The following KIAA1549L variants were observed in gnomAD, a reference collection of about 807,000 sequenced individuals.
KIAA1549L encodes the protein UPF0606 protein KIAA1549L.
Under a neutral mutation model 160.7 loss-of-function variants are expected in KIAA1549L, and 88 were observed. The observed-to-expected ratio is 0.55, with a 90% confidence interval of 0.46 to 0.65. The LOEUF (loss-of-function observed/expected upper bound fraction) is 0.65, where lower values mean the gene tolerates loss of function less well. Among genes scored for constraint, KIAA1549L ranks in the 30% least tolerant of loss-of-function variants. The pLI is 0.00. For missense variants in KIAA1549L, 2,258 were observed against 2,437.5 expected, an observed-to-expected ratio of 0.93 and a Z score of 1.55; for synonymous variants, 950 against 976.7, an observed-to-expected ratio of 0.97 and a Z score of 0.51.
rs1365800156 is a variant in KIAA1549L at position 33,551,349 on chromosome 11, C to G, written c.3721+90C>G. 4.5e-6 allele frequency: 5 copies of G among 1,100,958 alleles called. No homozygotes were observed. The African/African-American group carries it at 7.8e-5, about 17-fold the overall frequency. 68.2% of individuals were successfully genotyped at this position (1,100,958 alleles called of 1,614,324 possible). ...ACCTGTTTAAAAGCTCCATTGCTAGCTGCTGTGTCATTTTTTAGTCCCTGT... is the reference window on the plus strand; with the variant it reads ...ACCTGTTTAAAAGCTCCATTGCTAGGTGCTGTGTCATTTTTTAGTCCCTGT... On this transcript the variant is annotated intron_variant, in intron 5 of 20. Transcript: ENST00000658780.
intron 16 of KIAA1549L, among the ~76,000 whole-genome samples, chr11:33,634,233 G>A (rs1326483980): frequency 6.6e-6 from 1 of 152,130 alleles, no homozygotes; most frequent in Admixed American, 6.5e-5. Flanking sequence ...AAGAGAGGCA[G>A]GGTTTCACCA....
intron 1 of KIAA1549L, among the ~76,000 whole-genome samples, chr11:33,411,065 A>G (rs529503823): frequency 6.6e-6 from 1 of 152,282 alleles, no homozygotes; most frequent in East Asian, 1.9e-4. Context: ...AGGGCTTCCC[A>G]GTGGAGTGAG....
chr11:33,470,588 G>A lies in KIAA1549L; in HGVS notation c.239-71214G>A, dbSNP rs79256691. Among the ~76,000 whole-genome samples the A allele has an allele frequency of 8.8e-3, 1,330 of 151,960 alleles. 11 individuals are homozygous for A. Among genetic ancestry groups the A allele is most frequent in the African/African-American group, 0.03 (1,241 of 41,446 alleles). ...GGACTACAGGCACATGCCACCTCAC[G>A]CAGCTAATATTTTTGTGTGTGTTTG... On this transcript the variant is annotated intron_variant, in intron 1 of 20. Transcript: ENST00000658780.
At chr11:33,455,859 C>T (rs1240464630) in intron 1 of KIAA1549L, among the ~76,000 whole-genome samples, 3 of 152,134 alleles carry the variant, frequency 2.0e-5, no homozygotes, top group African/African-American at 7.2e-5. Context: ...AAAATTTCAA[C>T]CAGGTTTTCC....
At position 33,588,307 on chromosome 11, in the gene KIAA1549L, G is replaced by A. The variant is rs569103548; in HGVS notation, c.4567-2930G>A. The stretch of plus-strand genomic sequence containing the variant: ...AAACTGAATAGGATAATGGGGGCGT[G>A]AGGGTGTGGTACAAAAGGGGTCAAC... On this transcript the variant is annotated intron_variant, in intron 11 of 20. Coordinates refer to ENST00000658780, the MANE Select transcript of KIAA1549L (RefSeq NM_012194.3). Among the ~76,000 whole-genome samples, 3 of 152,296 alleles carry A rather than the reference G, an allele frequency of 2.0e-5. No homozygotes were observed. In the East Asian group the frequency reaches 5.8e-4, roughly 29 times the overall value.
chr11:33,446,532 C>T (rs1046784305), intron 1 of KIAA1549L, among the ~76,000 whole-genome samples: 12 of 152,236 alleles, frequency 7.9e-5, no homozygotes, highest in African/African-American at 2.6e-4. Context: ...CATTTCTTAC[C>T]TCTCACAGTT....
At position 33,656,072 on chromosome 11, in the gene KIAA1549L, C is replaced by A; in HGVS notation, c.5821C>A (p.Pro1941Thr). ...GGGCTCACCGCCTCCACCCGTACCT[C>A]CCCGGACTGGTCCTGTGGCTGTCGC... The part of the protein sequence containing the change: ...VMGSPPPPVP[P>T]RTGPVAVASL... The change falls in exon 18 of 21, where the codon CCC (proline) becomes ACC (threonine). Residue 1941 changes from proline to threonine, a missense_variant. Around this residue, in one of 6 missense-constraint regions of KIAA1549L, gnomAD observed 1,359 missense variants for 1,546.6 expected, o/e 0.88. Transcript: ENST00000658780. The A allele has an allele frequency of 6.2e-7, 1 of 1,613,852 alleles. No homozygotes were observed. Among genetic ancestry groups the A allele is most frequent in the Non-Finnish European group, 8.5e-7 (1 of 1,179,762 alleles).
chr11:33,610,903 G>C (rs924014557), intron 15 of KIAA1549L, among the ~76,000 whole-genome samples: 14 of 152,224 alleles, frequency 9.2e-5, no homozygotes, highest in African/African-American at 2.7e-4. Context: ...CATGGCAGAA[G>C]GCAGAGGGCA....
chr11:33,646,684 T>C (rs951715166), intron 17 of KIAA1549L, among the ~76,000 whole-genome samples: 1 of 152,238 alleles, frequency 6.6e-6, no homozygotes, highest in Non-Finnish European at 1.5e-5. Context: ...AAAATACTTG[T>C]GCGAGGACAT....
chr11:33,583,347 A>G lies in KIAA1549L; in HGVS notation c.4412A>G (p.Lys1471Arg). ...VVLLQADPVVKNPPNNLWIIA... is the reference protein window; with the variant it reads ...VVLLQADPVVRNPPNNLWIIA... ...TGGCTCTTTCCCACAGCCGTGGTGA[A>G]GAACCCGCCCAATAACCTGTGGATC... is the stretch of plus-strand genomic sequence containing the variant. The change falls in exon 11 of 21, where the codon AAG becomes AGG. Residue 1471 changes from lysine (K) to arginine (R), a missense_variant. Physicochemically the swap from Lys to Arg is conservative, Grantham distance 26. Transcript: ENST00000658780. 1 of 1,604,872 alleles carries G rather than the reference A, an allele frequency of 6.2e-7. No individual in the cohort carries two copies. The highest frequency in any genetic ancestry group is 8.5e-7 in the Non-Finnish European group (1 of 1,175,840).
chr11:33,610,024 G>T (rs1416823805), intron 15 of KIAA1549L, 58 bp downstream of exon 15: 24 of 1,337,834 alleles, frequency 1.8e-5, no homozygotes, highest in Non-Finnish European at 2.6e-5. Flanking sequence ...ATAAGGGCAG[G>T]CCTTGGGCAG....
intron 1 of KIAA1549L, among the ~76,000 whole-genome samples, chr11:33,523,478 A>T (rs978912489): frequency 1.3e-5 from 2 of 152,210 alleles, no homozygotes; most frequent in Non-Finnish European, 2.9e-5. Context: ...ATTTTAGAGA[A>T]TGTCAGGTTA....
intron 1 of KIAA1549L, among the ~76,000 whole-genome samples, chr11:33,499,484 T>TTA (rs1196173542): frequency 6.6e-6 from 1 of 152,218 alleles, no homozygotes; most frequent in Non-Finnish European, 1.5e-5. Context: ...CCCAGTCCTA[T>TTA]GGTTTAGCAC....
intron 12 of KIAA1549L, among the ~76,000 whole-genome samples, chr11:33,592,180 G>A (rs1348649830): frequency 6.6e-6 from 1 of 152,214 alleles, no homozygotes; most frequent in Non-Finnish European, 1.5e-5. Context: ...GTGGCTGGAT[G>A]TAGTGAAGAA....
intron 5 of KIAA1549L, 103 bp from the exon 6 acceptor site, chr11:33,552,005 C>G (rs1854478539): frequency 7.7e-7 from 1 of 1,292,870 alleles, no homozygotes; most frequent in Non-Finnish European, 1.1e-6. Flanking sequence ...TTGCCTAATT[C>G]CTCTCATCTA....
At chr11:33,487,333 C>T (rs1216687753) in intron 1 of KIAA1549L, among the ~76,000 whole-genome samples, 2 of 151,002 alleles carry the variant, frequency 1.3e-5, no homozygotes, top group Non-Finnish European at 2.9e-5. Context: ...ACCAAGAAGT[C>T]TAGCCCACTA....
At chr11:33,631,112 C>T (rs1851275216) in intron 16 of KIAA1549L, among the ~76,000 whole-genome samples, 1 of 152,230 alleles carries the variant, frequency 6.6e-6, no homozygotes, top group Non-Finnish European at 1.5e-5. Context: ...TTACTCACCA[C>T]TGCTGAAGCT....
rs909394563 is a variant in KIAA1549L, at chr11:33,655,937, C to T, written c.5761-75C>T. The T allele has an allele frequency of 2.0e-5, 21 of 1,036,474 alleles. 1 individual carries two copies. The highest frequency in any genetic ancestry group is 1.6e-5 in the African/African-American group (1 of 63,538). The allele number at this position is 1,036,474 out of a possible 1,614,324, so 64.2% of individuals were successfully genotyped here. A position where few individuals can be genotyped will look rare whatever the true frequency, so the allele number is the denominator to read the frequency against. ...GACCCTTGGAAGTTTGCTTCCTCCTCAAACAAGAGGAACCTGTGTGCTGAT... is the reference window on the plus strand; with the variant it reads ...GACCCTTGGAAGTTTGCTTCCTCCTTAAACAAGAGGAACCTGTGTGCTGAT... On this transcript the variant is annotated intron_variant, in intron 17 of 20. Coordinates refer to ENST00000658780, the MANE Select transcript of KIAA1549L (RefSeq NM_012194.3).
chr11:33,613,391 A>G (rs1246930153), intron 15 of KIAA1549L, among the ~76,000 whole-genome samples: 2 of 152,166 alleles, frequency 1.3e-5, no homozygotes, highest in Admixed American at 6.5e-5. Context: ...TGTTGGCCAC[A>G]TGTATATCTT....
Sources: allele counts gnomAD v4.1 joint callset (sites outside exome capture counted in the v4.1 genomes callset), GRCh38; gene constraint gnomAD v4.1.1; regional missense constraint gnomAD v4.1.1; transcripts MANE v1.5; gene names NCBI Gene and HGNC (gene_info 2026-07-23, HGNC 2026-07-21).